The following CDCA7L variants were observed in gnomAD, a reference collection of about 807,000 sequenced individuals.
CDCA7L encodes cell division cycle associated 7 like.
A neutral mutation model predicts 57.4 loss-of-function variants in CDCA7L; 44 were observed. The observed-to-expected ratio is 0.77, with a 90% CI of 0.60 to 0.98. The LOEUF is 0.98. CDCA7L is among the 50% of genes least tolerant of loss of function. The pLI, the probability that CDCA7L is intolerant of heterozygous loss-of-function variation, is 0.00. For synonymous variants in CDCA7L, 236 were observed against 202.8 expected, an observed-to-expected ratio of 1.16 and a Z score of -1.39; for missense variants, 644 against 580.6, an observed-to-expected ratio of 1.11 and a Z score of -1.12.
At chr7:21,908,639 G>T (rs746526455) in intron 3 of CDCA7L, 132 bp from the exon 4 acceptor site, 1 of 985,782 alleles carries the variant, frequency 1.0e-6, no homozygotes, top group Non-Finnish European at 1.4e-6. Flanking sequence ...CATATTATGA[G>T]TTCCCTCTGA....
At chr7:21,932,464 A>G (rs1195993111) in intron 1 of CDCA7L, among the ~76,000 whole-genome samples, 1 of 152,156 alleles carries the variant, frequency 6.6e-6, no homozygotes, top group Non-Finnish European at 1.5e-5. Context: ...ATACAGACCA[A>G]TGGAACAGAA....
chr7:21,944,820 C>A (rs1263940481), intron 1 of CDCA7L: 1 of 151,626 alleles, frequency 6.6e-6, no homozygotes, highest in Admixed American at 6.6e-5. Context: ...AAAGTAAACA[C>A]CAGTCGGAAG....
intron 1 of CDCA7L, 75 bp downstream of exon 1, chr7:21,945,706 G>A (rs969993413): frequency 1.9e-6 from 3 of 1,573,196 alleles, no homozygotes; most frequent in Non-Finnish European, 2.6e-6. Flanking sequence ...CCAGCCCAAG[G>A]CCAGCAGGAC....
intron 6 of CDCA7L, 96 bp from the exon 7 acceptor site, chr7:21,905,727 G>A: frequency 1.5e-6 from 2 of 1,301,620 alleles, no homozygotes; most frequent in Non-Finnish European, 2.0e-6. Flanking sequence ...CACCATTAAT[G>A]TTAACCCCGT....
At chr7:21,903,252 GGGCTCCTCACAAGGCAGGAA>G in intron 8 of CDCA7L, 138 bp from the exon 9 acceptor site, 1 of 762,698 alleles carries the variant, frequency 1.3e-6, no homozygotes, top group Non-Finnish European at 2.0e-6. Flanking sequence ...ACGTCCCAGG[GGGCTCCTCACAAGGCAGGAA>G]GGCTGAATCA....
At chr7:21,907,094 TTCTCATC>T (rs1785165877) in intron 4 of CDCA7L, among the ~76,000 whole-genome samples, 1 of 152,204 alleles carries the variant, frequency 6.6e-6, no homozygotes, top group Non-Finnish European at 1.5e-5. Flanking sequence ...ATAGATTAAT[TTCTCATC>T]AATCAAAGTA....
At chr7:21,934,049 G>A (rs2128068732) in intron 1 of CDCA7L, among the ~76,000 whole-genome samples, 1 of 152,210 alleles carries the variant, frequency 6.6e-6, no homozygotes, top group South Asian at 2.1e-4. Flanking sequence ...ATGCTGAAAG[G>A]AGTACTTCAC....
chr7:21,931,559 C>T (rs550581596), intron 1 of CDCA7L, among the ~76,000 whole-genome samples: 3 of 152,162 alleles, frequency 2.0e-5, no homozygotes, highest in Non-Finnish European at 2.9e-5. Flanking sequence ...CAGAAAAGGC[C>T]GTCAATAAAA....
chr7:21,914,943 G>C (rs993618128), intron 2 of CDCA7L, among the ~76,000 whole-genome samples: 6 of 152,108 alleles, frequency 3.9e-5, no homozygotes, highest in African/African-American at 1.4e-4. Flanking sequence ...CTCTGTGCTC[G>C]GCCCTTTAGA....
intron 1 of CDCA7L, among the ~76,000 whole-genome samples, chr7:21,932,044 CATTTACA>C (rs1786034917): frequency 6.6e-6 from 1 of 152,168 alleles, no homozygotes; most frequent in Non-Finnish European, 1.5e-5. Context: ...AGTGAACTCT[CATTTACA>C]ATTGCTACAA....
At chr7:21,919,285 C>G (rs987125683) in intron 1 of CDCA7L, among the ~76,000 whole-genome samples, 12 of 152,142 alleles carry the variant, frequency 7.9e-5, no homozygotes, top group African/African-American at 2.9e-4. Flanking sequence ...GTGTTATAAT[C>G]CATACTCTCA....
In CDCA7L at chr7:21,901,392, G is replaced by GTATTTTTTTC. The variant is rs1784835730; in HGVS notation, c.*929_*930insGAAAAAAATA. 3 of 1,229,324 alleles carry GTATTTTTTTC rather than the reference G, an allele frequency of 2.4e-6. No homozygotes were observed. 76.2% of individuals were successfully genotyped at this position (1,229,324 alleles called of 1,614,324 possible). ...TTCTTTTTTCAACGCTATCCTTAGA[G>GTATTTTTTTC]TGAAAGTCAGAAAAAAATACTAGAA... On this transcript the variant is annotated 3_prime_UTR_variant, in exon 10 of 10. Transcript: ENST00000406877.
chr7:21,919,090 T>A (rs1785578679), intron 1 of CDCA7L, among the ~76,000 whole-genome samples: 1 of 152,100 alleles, frequency 6.6e-6, no homozygotes, highest in South Asian at 2.1e-4. Flanking sequence ...AGTGCTGGGA[T>A]TACAGGCATG....
intron 7 of CDCA7L, among the ~76,000 whole-genome samples, chr7:21,904,784 GGCCAGAGAAACATAT>G (rs11273818): frequency 0.16 from 23,587 of 152,144 alleles, 1,834 homozygotes; most frequent in South Asian, 0.22. Flanking sequence ...ACAGGTCTGT[GGCCAGAGAAACATAT>G]TAGGTCAGAT....
chr7:21,944,811 A>C (rs1051021666), intron 1 of CDCA7L: 4 of 151,972 alleles, frequency 2.6e-5, no homozygotes, highest in Non-Finnish European at 5.9e-5. Context: ...AGGTGGAGGA[A>C]AGTAAACACC....
In CDCA7L at chr7:21,906,421, T is replaced by C. The variant is rs1016216576; in HGVS notation, c.789A>G (p.Gly263=). ...TTGGGTTCATACGCCGCGTGATCTGTCCCTCCGAGAAGGCCCGCCTCACTG... is the reference window on the plus strand; with the variant it reads ...TTGGGTTCATACGCCGCGTGATCTGCCCCTCCGAGAAGGCCCGCCTCACTG... ...KKTVRRAFSE[G]QITRRMNPTR... Residue 263 remains glycine (G), a synonymous_variant, in exon 6 of 10, where the codon GGA becomes GGG. Transcript: ENST00000406877. 6.2e-7 allele frequency: 1 copy of C among 1,611,600 alleles called. No individual in the cohort carries two copies. The highest frequency in any genetic ancestry group is 8.5e-7 in the Non-Finnish European group (1 of 1,178,650).
Position 21,945,839 on chromosome 7 carries a change from G to T in CDCA7L, c.-35C>A. 2 of 1,590,292 alleles carry T rather than the reference G, an allele frequency of 1.3e-6. No homozygotes were observed. The highest frequency in any genetic ancestry group is 8.5e-7 in the Non-Finnish European group (1 of 1,170,404). ...CCGGGCTCCAGTCTCCTCCCAGCACGCGGCCACGGGAGCCCGGACTCACCA... is the reference window on the plus strand; with the variant it reads ...CCGGGCTCCAGTCTCCTCCCAGCACTCGGCCACGGGAGCCCGGACTCACCA... On this transcript the variant is annotated 5_prime_UTR_variant, in exon 1 of 10. Transcript: ENST00000406877.
chr7:21,945,669 C>T (rs1203902770), intron 1 of CDCA7L, 112 bp downstream of exon 1: 9 of 1,364,638 alleles, frequency 6.6e-6, no homozygotes, highest in Middle Eastern at 1.9e-4. Flanking sequence ...CGCCAGATCC[C>T]CAGTGCCGCA....
chr7:21,908,588 G>T, intron 3 of CDCA7L, 81 bp from the exon 4 acceptor site: 2 of 1,336,524 alleles, frequency 1.5e-6, no homozygotes, highest in African/African-American at 1.5e-5. Context: ...ACAACTGACA[G>T]CATTATGAGA....
Sources: gnomAD v4.1 joint callset for allele counts (sites outside exome capture counted in the v4.1 genomes callset) on GRCh38, gnomAD v4.1.1 for gene constraint, MANE v1.5 for transcripts, NCBI Gene and HGNC (gene_info 2026-07-23, HGNC 2026-07-21) for gene names.